The following RPS6KA5 variants were observed in gnomAD, a reference collection of about 807,000 sequenced individuals.
RPS6KA5 encodes the protein ribosomal protein S6 kinase A5, also known as ribosomal protein S6 kinase alpha-5.
RPS6KA5 carries 27 observed loss-of-function variants against 85.5 expected under a neutral mutation model. The observed-to-expected ratio is 0.32, with a 90% CI of 0.23 to 0.44. The LOEUF (loss-of-function observed/expected upper bound fraction) is 0.44, where lower values mean the gene tolerates loss of function less well. Ranked by LOEUF, RPS6KA5 falls within the 20% of genes least tolerant of loss-of-function variation. RPS6KA5 has a pLI of 1.00. For missense variants in RPS6KA5, 811 were observed against 980.9 expected, an observed-to-expected ratio of 0.83 and a Z score of 2.31; for synonymous variants, 334 against 348.2, an observed-to-expected ratio of 0.96 and a Z score of 0.46.
intron 2 of RPS6KA5, among the ~76,000 whole-genome samples, chr14:90,999,856 G>C (rs2040705440): frequency 6.6e-6 from 1 of 152,162 alleles, no homozygotes; most frequent in Non-Finnish European, 1.5e-5. Context: ...AGCGGTGGTA[G>C]CAAAAATTCA....
At chr14:90,955,708 C>A (rs1371671082) in intron 3 of RPS6KA5, among the ~76,000 whole-genome samples, 1 of 152,158 alleles carries the variant, frequency 6.6e-6, no homozygotes, top group Non-Finnish European at 1.5e-5. Context: ...ATATATCCTG[C>A]AATTACTATT....
chr14:90,899,070 C>T (rs1449584939), intron 12 of RPS6KA5, among the ~76,000 whole-genome samples: 5 of 151,966 alleles, frequency 3.3e-5, no homozygotes, highest in African/African-American at 1.2e-4. Flanking sequence ...GAGCTCCTGG[C>T]CCTCCGTCTT....
rs1043785544 is a variant in RPS6KA5 at position 90,852,037 on chromosome 14, A to G, written c.*20037T>C. The G allele has an allele frequency of 2.0e-5, 3 of 151,450 alleles. No homozygotes were observed. The highest frequency in any genetic ancestry group is 4.4e-5 in the Non-Finnish European group (3 of 67,950). 9.4% of individuals were successfully genotyped at this position (151,450 alleles called of 1,614,324 possible). ...CCTAGTATATAAAAACGTGGCATTC[A>G]TCTACAGCAAAGACAAATTATCGGT... On this transcript the variant is annotated 3_prime_UTR_variant, in exon 17 of 17. Coordinates refer to ENST00000614987, the MANE Select transcript of RPS6KA5 (RefSeq NM_004755.4).
intron 14 of RPS6KA5, among the ~76,000 whole-genome samples, chr14:90,882,368 G>A (rs911262553): frequency 1.4e-4 from 22 of 152,100 alleles, no homozygotes; most frequent in African/African-American, 5.3e-4. Flanking sequence ...AAATGCATTC[G>A]TCTCTTATGT....
At chr14:90,919,229 C>A (rs187700666) in intron 7 of RPS6KA5, among the ~76,000 whole-genome samples, 1 of 152,156 alleles carries the variant, frequency 6.6e-6, no homozygotes, top group Non-Finnish European at 1.5e-5. Flanking sequence ...CTGGGTTTTG[C>A]GGCCTGGAAA....
At chr14:91,030,634 AAAAAAG>A (rs1441551734) in intron 1 of RPS6KA5, among the ~76,000 whole-genome samples, 2 of 149,452 alleles carry the variant, frequency 1.3e-5, no homozygotes, top group African/African-American at 4.9e-5. Flanking sequence ...AAAAAAAAAA[AAAAAAG>A]GAAGTTCAGA....
intron 3 of RPS6KA5, among the ~76,000 whole-genome samples, chr14:90,956,985 T>C (rs79111293): frequency 0.18 from 19,002 of 108,360 alleles, 1,441 homozygotes; most frequent in East Asian, 0.4. Flanking sequence ...TTTTTTTTTT[T>C]CCCAGTGAAT....
intron 2 of RPS6KA5, among the ~76,000 whole-genome samples, chr14:90,985,983 A>T (rs1334161066): frequency 6.6e-6 from 1 of 152,228 alleles, no homozygotes; most frequent in Non-Finnish European, 1.5e-5. Flanking sequence ...CTGAAAAATT[A>T]GGTGTGAGTG....
intron 7 of RPS6KA5, among the ~76,000 whole-genome samples, chr14:90,918,968 T>G (rs770912774): frequency 6.7e-6 from 1 of 149,588 alleles, no homozygotes; most frequent in Non-Finnish European, 1.5e-5. Context: ...ACCCAGGTTG[T>G]CAATTTCTAA....
intron 12 of RPS6KA5, among the ~76,000 whole-genome samples, chr14:90,894,805 T>C (rs1264519542): frequency 6.6e-6 from 1 of 152,222 alleles, no homozygotes; most frequent in East Asian, 1.9e-4. Context: ...CAGTGAAATC[T>C]TTATACTGTA....
At chr14:90,898,649 T>G (rs908919159) in intron 12 of RPS6KA5, among the ~76,000 whole-genome samples, 1 of 152,196 alleles carries the variant, frequency 6.6e-6, no homozygotes, top group Non-Finnish European at 1.5e-5. Flanking sequence ...CAAGTTGTCT[T>G]AAGTAGGACT....
At chr14:90,969,574 T>C (rs2039227283) in intron 3 of RPS6KA5, among the ~76,000 whole-genome samples, 1 of 152,184 alleles carries the variant, frequency 6.6e-6, no homozygotes, top group African/African-American at 2.4e-5. Flanking sequence ...GCTCGTGCAA[T>C]TGCATGGAAG....
In RPS6KA5 at chr14:90,854,445, G is replaced by A. The variant is rs778584876; in HGVS notation, c.*17629C>T. ...ATTTTAGATTTCACAATGTACACTTGTCTCAAGTAAGTCTATTTAACTAGA... is the reference window on the plus strand; with the variant it reads ...ATTTTAGATTTCACAATGTACACTTATCTCAAGTAAGTCTATTTAACTAGA... On this transcript the variant is annotated 3_prime_UTR_variant, in exon 17 of 17. Transcript: ENST00000614987. The A allele has an allele frequency of 1.2e-4, 19 of 152,042 alleles. No homozygotes were observed. Among genetic ancestry groups the A allele is most frequent in the Non-Finnish European group, 2.2e-4 (15 of 67,984 alleles). 9.4% of individuals were successfully genotyped at this position (152,042 alleles called of 1,614,324 possible).
chr14:90,877,216 G>A (rs1190120592), intron 14 of RPS6KA5, among the ~76,000 whole-genome samples: 2 of 152,236 alleles, frequency 1.3e-5, no homozygotes, highest in South Asian at 2.1e-4. Context: ...AATGCGCAGA[G>A]TTTGAAAATA....
At chr14:90,882,670 C>A (rs1335847145) in intron 14 of RPS6KA5, among the ~76,000 whole-genome samples, 2 of 152,000 alleles carry the variant, frequency 1.3e-5, no homozygotes, top group African/African-American at 4.8e-5. Context: ...TCTTGGTTGA[C>A]AGTTTTTTTT....
chr14:90,956,964 GTTTTT>G (rs61106740), intron 3 of RPS6KA5, among the ~76,000 whole-genome samples: 4 of 123,356 alleles, frequency 3.2e-5, no homozygotes, highest in African/African-American at 9.3e-5. Flanking sequence ...CTGTTTTTCT[GTTTTT>G]TTTTTTTTTT....
intron 14 of RPS6KA5, among the ~76,000 whole-genome samples, chr14:90,883,894 AGCCTGTGGCTTTGCCTGGGCAT>A (rs2140169854): frequency 6.6e-6 from 1 of 152,260 alleles, no homozygotes; most frequent in South Asian, 2.1e-4. Context: ...GTCTTTGATG[AGCCTGTGGCTTTGCCTGGGCAT>A]GCCTGGTAGC....
chr14:90,884,668 T>C (rs1417879301), intron 14 of RPS6KA5, among the ~76,000 whole-genome samples: 4 of 152,218 alleles, frequency 2.6e-5, no homozygotes, highest in Non-Finnish European at 5.9e-5. Flanking sequence ...AGATTCCTGG[T>C]GCTTCCTGCT....
At chr14:91,044,305 AAGAGAGAG>A (rs1248013955) in intron 1 of RPS6KA5, among the ~76,000 whole-genome samples, 3 of 119,212 alleles carry the variant, frequency 2.5e-5, no homozygotes, top group East Asian at 2.5e-4. Flanking sequence ...AAGAGAGAGA[AAGAGAGAG>A]AGAGAAAGAG....
Sources: gnomAD v4.1 joint callset for allele counts (sites outside exome capture counted in the v4.1 genomes callset) on GRCh38, gnomAD v4.1.1 for gene constraint, MANE v1.5 for transcripts, NCBI Gene and HGNC (gene_info 2026-07-23, HGNC 2026-07-21) for gene names.